NKAIN2: variants seen among roughly 807,000 people sequenced by gnomAD.
NKAIN2 encodes sodium/potassium transporting ATPase interacting 2, also known as sodium/potassium-transporting ATPase subunit beta-1-interacting protein 2.
In NKAIN2, 14 loss-of-function variants were observed where a neutral mutation model predicts 32.6. That is an observed-to-expected ratio of 0.43 (90% confidence interval 0.28 to 0.67). NKAIN2 has a LOEUF of 0.67. NKAIN2 is among the 30% of genes least tolerant of loss of function. The probability of loss-of-function intolerance (pLI) is 0.17; values close to 1 mark genes in which losing one functional copy is unlikely to be tolerated. For synonymous variants in NKAIN2, 80 were observed against 87.2 expected (o/e 0.92, Z 0.46); for missense variants, 198 against 258.3 (o/e 0.77, Z 1.60).
intron 3 of NKAIN2, among the ~76,000 whole-genome samples, chr6:124,609,443 T>C (rs1760801388): frequency 6.6e-6 from 1 of 152,010 alleles, no homozygotes; most frequent in Non-Finnish European, 1.5e-5. Context: ...TGTTAGAAAA[T>C]GTATACTAGA....
At chr6:123,852,190 C>T (rs1166198515) in intron 1 of NKAIN2, among the ~76,000 whole-genome samples, 2 of 152,194 alleles carry the variant, frequency 1.3e-5, no homozygotes, top group East Asian at 3.8e-4. Context: ...CCCAGCACCA[C>T]TTATTGAAGC....
Position 124,229,529 on chromosome 6 carries a change from TAGATAGACAGAC to T in NKAIN2, c.55-53472_55-53461del, listed in dbSNP as rs1224264815. Among the ~76,000 whole-genome samples the T allele has an allele frequency of 1.1e-3, 155 of 147,038 alleles. 2 individuals are homozygous for T. In the East Asian group the frequency reaches 0.013, roughly 12 times the overall value. On this transcript the variant is annotated intron_variant, in intron 1 of 6. Transcript: ENST00000368417. ...ATAGATAGATAGATAGATAGATAGA[TAGATAGACAGAC>T]AGACAGACAGACAGACAGACAGGGT...
intron 1 of NKAIN2, among the ~76,000 whole-genome samples, chr6:124,116,953 G>C (rs528265335): frequency 6.6e-6 from 1 of 152,028 alleles, no homozygotes; most frequent in African/African-American, 2.4e-5. Context: ...GAAGGCATTA[G>C]GTACAGATCA....
chr6:124,388,424 G>T (rs910927725), intron 3 of NKAIN2, among the ~76,000 whole-genome samples: 1 of 148,574 alleles, frequency 6.7e-6, no homozygotes, highest in Admixed American at 6.6e-5. Flanking sequence ...AACTGGTCTG[G>T]GGTAAGGACT....
chr6:124,422,369 A>T (rs887982988), intron 3 of NKAIN2, among the ~76,000 whole-genome samples: 1 of 152,124 alleles, frequency 6.6e-6, no homozygotes, highest in African/African-American at 2.4e-5. Flanking sequence ...ATACATTTCT[A>T]AAGAAAGATT....
intron 1 of NKAIN2, among the ~76,000 whole-genome samples, chr6:124,091,491 CAG>C (rs1784418569): frequency 6.6e-6 from 1 of 151,862 alleles, no homozygotes; most frequent in Non-Finnish European, 1.5e-5. Flanking sequence ...TTCATACAGA[CAG>C]AGTCTCTAAA....
intron 3 of NKAIN2, among the ~76,000 whole-genome samples, chr6:124,553,707 G>C (rs2114873488): frequency 6.6e-6 from 1 of 152,308 alleles, no homozygotes; most frequent in Middle Eastern, 3.4e-3. Context: ...TTACATCAGA[G>C]AAGTAACTTG....
chr6:123,951,671 CT>C (rs1461653911), intron 1 of NKAIN2, among the ~76,000 whole-genome samples: 7 of 151,490 alleles, frequency 4.6e-5, no homozygotes, highest in Non-Finnish European at 8.9e-5. Flanking sequence ...GATGAGTTTT[CT>C]TTTTTTGTAG....
At chr6:124,068,514 T>C (rs113685612) in intron 1 of NKAIN2, among the ~76,000 whole-genome samples, 2,030 of 152,050 alleles carry the variant, frequency 0.013, 35 homozygotes, top group African/African-American at 0.039. Context: ...ACTCAGCCTC[T>C]TGAGTAGCTG....
In NKAIN2 at chr6:123,950,054, G is replaced by T. The variant is rs567512210; in HGVS notation, c.54+145800G>T. Among the ~76,000 whole-genome samples the T allele has an allele frequency of 1.6e-4, 25 of 151,874 alleles. 1 individual carries two copies. In the South Asian group the frequency reaches 5.0e-3, roughly 30 times the overall value. ...TTTTGCATCTATTGAGATATTTGTG[G>T]TTTTGTTCCTCATCCTGTTGATGTG... On this transcript the variant is annotated intron_variant, in intron 1 of 6. Coordinates refer to ENST00000368417, the MANE Select transcript of NKAIN2 (RefSeq NM_001040214.3).
chr6:123,804,848 A>G (rs1469765389), intron 1 of NKAIN2, among the ~76,000 whole-genome samples: 2 of 152,164 alleles, frequency 1.3e-5, no homozygotes, highest in Non-Finnish European at 2.9e-5. Context: ...ACTTAGGTGA[A>G]CTCAGCAACA....
intron 1 of NKAIN2, among the ~76,000 whole-genome samples, chr6:124,163,683 T>C (rs559859996): frequency 6.6e-6 from 1 of 152,102 alleles, no homozygotes; most frequent in African/African-American, 2.4e-5. Flanking sequence ...TCTTTGAGGA[T>C]TTATTGCATT....
chr6:124,011,200 ACT>A (rs1196511476), intron 1 of NKAIN2, among the ~76,000 whole-genome samples: 1 of 151,600 alleles, frequency 6.6e-6, no homozygotes, highest in Non-Finnish European at 1.5e-5. Flanking sequence ...TCTCCTTCTG[ACT>A]CTCTGAGTCC....
chr6:124,340,673 T>A (rs1203265964), intron 2 of NKAIN2, among the ~76,000 whole-genome samples: 1 of 152,172 alleles, frequency 6.6e-6, no homozygotes, highest in Non-Finnish European at 1.5e-5. Flanking sequence ...AGGATAAGCA[T>A]GTAAAAGTAT....
At chr6:124,639,940 A>G (rs949232252) in intron 3 of NKAIN2, among the ~76,000 whole-genome samples, 1 of 152,114 alleles carries the variant, frequency 6.6e-6, no homozygotes, top group Non-Finnish European at 1.5e-5. Flanking sequence ...TTAGTTAACA[A>G]TCATTTATTG....
intron 1 of NKAIN2, among the ~76,000 whole-genome samples, chr6:123,995,879 ACT>A (rs1421174156): frequency 1.3e-5 from 2 of 152,164 alleles, no homozygotes; most frequent in Non-Finnish European, 2.9e-5. Flanking sequence ...TATTATTATT[ACT>A]GTCATTGTTA....
chr6:124,349,622 G>A (rs117997845), intron 2 of NKAIN2, among the ~76,000 whole-genome samples: 2 of 152,200 alleles, frequency 1.3e-5, no homozygotes, highest in East Asian at 3.9e-4. Context: ...TAATAAAAGT[G>A]AACTCATTCA....
At chr6:123,805,001 T>C (rs1773155953) in intron 1 of NKAIN2, among the ~76,000 whole-genome samples, 1 of 152,228 alleles carries the variant, frequency 6.6e-6, no homozygotes, top group South Asian at 2.1e-4. Flanking sequence ...GAGAATTCTA[T>C]GTACTTTTTG....
At chr6:124,166,504 A>G (rs1303652937) in intron 1 of NKAIN2, among the ~76,000 whole-genome samples, 1 of 150,558 alleles carries the variant, frequency 6.6e-6, no homozygotes, top group African/African-American at 2.4e-5. Flanking sequence ...TTTGCTGTGC[A>G]GAAGCTCTTT....
Sources: allele counts gnomAD v4.1 joint callset (sites outside exome capture counted in the v4.1 genomes callset), GRCh38; gene constraint gnomAD v4.1.1; transcripts MANE v1.5; gene names NCBI Gene and HGNC (gene_info 2026-07-23, HGNC 2026-07-21).